The following PTPRD variants were observed in gnomAD, a reference collection of about 807,000 sequenced individuals.
The protein encoded by PTPRD is protein tyrosine phosphatase receptor type D.
Under a neutral mutation model 214.5 loss-of-function variants are expected in PTPRD, and 34 were observed. The ratio of observed to expected loss-of-function variants is 0.16; its 90% CI spans 0.12 to 0.21. PTPRD has a LOEUF of 0.21. Among genes scored for constraint, PTPRD ranks in the 10% least tolerant of loss-of-function variants. The probability of loss-of-function intolerance (pLI) is 1.00; values close to 1 mark genes in which losing one functional copy is unlikely to be tolerated. For synonymous variants in PTPRD, 1,128 were observed against 845.7 expected, an observed-to-expected ratio of 1.33 and a Z score of -5.79; for missense variants, 2,545 against 2,398.7, an observed-to-expected ratio of 1.06 and a Z score of -1.27.
chr9:9,335,596 G>A (rs1174905378), intron 9 of PTPRD, among the ~76,000 whole-genome samples: 1 of 151,998 alleles, frequency 6.6e-6, no homozygotes, highest in Admixed American at 6.6e-5. Flanking sequence ...AAGGACTTAT[G>A]AATTTAACAG....
intron 8 of PTPRD, among the ~76,000 whole-genome samples, chr9:9,432,088 T>TAACAAC (rs1404227517): frequency 1.5e-5 from 2 of 136,194 alleles, no homozygotes; most frequent in African/African-American, 2.7e-5. Context: ...ATAATAATAA[T>TAACAAC]AAAAGAAACA....
At chr9:8,516,924 G>C (rs2097791363) in intron 21 of PTPRD, among the ~76,000 whole-genome samples, 1 of 147,094 alleles carries the variant, frequency 6.8e-6, no homozygotes, top group African/African-American at 2.5e-5. Flanking sequence ...TGATTCTCCT[G>C]CCTCAGCCTC....
intron 11 of PTPRD, among the ~76,000 whole-genome samples, chr9:8,781,878 C>T (rs1360297694): frequency 6.6e-6 from 1 of 152,152 alleles, no homozygotes; most frequent in African/African-American, 2.4e-5. Flanking sequence ...GTATGCCTAA[C>T]AGGCCAGCAA....
intron 14 of PTPRD, among the ~76,000 whole-genome samples, chr9:8,553,940 G>A (rs1277018402): frequency 6.6e-6 from 1 of 152,172 alleles, no homozygotes; most frequent in East Asian, 1.9e-4. Flanking sequence ...TGTAATCCTA[G>A]CACTTTGGGA....
rs199827261 is a variant in PTPRD, at chr9:8,796,211, G to GA, written c.-103-62266dup. ...TATAGATGAAGGGATAATTAGAGAT[G>GA]AACTGCCCCAATTCTTAATTGCCAA... On this transcript the variant is annotated intron_variant, in intron 11 of 45. Transcript: ENST00000381196. 3.6e-3 allele frequency among the ~76,000 whole-genome samples: 550 copies of GA among 152,258 alleles called. 2 individuals carry two copies. The highest frequency in any genetic ancestry group is 0.012 in the African/African-American group (490 of 41,558).
chr9:8,848,774 C>A lies in PTPRD; in HGVS notation c.-103-114828G>T, dbSNP rs944877091. On this transcript the variant is annotated intron_variant, in intron 11 of 45. Transcript: ENST00000381196. The stretch of plus-strand genomic sequence containing the variant: ...GGGATGCTTGACTTAAAATCTTGAC[C>A]CTATGTTCCATCTTTATTACTTTTA... Among the ~76,000 whole-genome samples the A allele has an allele frequency of 4.8e-5, 6 of 125,442 alleles. 1 individual carries two copies. Among genetic ancestry groups the A allele is most frequent in the African/African-American group, 1.7e-4 (6 of 34,286 alleles). The allele number at this position is 125,442 out of a possible 152,430, so 82.3% of individuals were successfully genotyped here. A position where few individuals can be genotyped will look rare whatever the true frequency, so the allele number is the denominator to read the frequency against.
At chr9:9,190,840 T>C (rs1226134988) in intron 9 of PTPRD, among the ~76,000 whole-genome samples, 1 of 152,126 alleles carries the variant, frequency 6.6e-6, no homozygotes, top group African/African-American at 2.4e-5. Flanking sequence ...TACTACTGTC[T>C]CATAACCCAG....
In PTPRD at chr9:8,943,726, C is replaced by A. The variant is rs114243223; in HGVS notation, c.-104+74971G>T. On this transcript the variant is annotated intron_variant, in intron 11 of 45. Transcript: ENST00000381196. ...ACATGCAGAAGAATGAAACTAGAAC[C>A]CTATCTCTTGCCATTAAAAAAATCA... Among the ~76,000 whole-genome samples, 834 of 150,260 alleles carry A rather than the reference C, an allele frequency of 5.6e-3. 5 individuals are homozygous for A. The highest frequency in any genetic ancestry group is 0.02 in the African/African-American group (809 of 40,950).
chr9:8,977,037 A>G (rs2099271810), intron 11 of PTPRD, among the ~76,000 whole-genome samples: 1 of 152,072 alleles, frequency 6.6e-6, no homozygotes, highest in Non-Finnish European at 1.5e-5. Context: ...CACTTCCCAA[A>G]CTTGCTTCTC....
chr9:9,487,973 G>T (rs763084531), intron 8 of PTPRD, among the ~76,000 whole-genome samples: 2 of 152,110 alleles, frequency 1.3e-5, no homozygotes, highest in African/African-American at 4.8e-5. Flanking sequence ...TAAATTCTGA[G>T]TATTTTTCCC....
At chr9:10,099,798 T>A (rs2154211942) in intron 3 of PTPRD, among the ~76,000 whole-genome samples, 1 of 151,696 alleles carries the variant, frequency 6.6e-6, no homozygotes, top group African/African-American at 2.4e-5. Context: ...AAATCCTGAT[T>A]GTTAAAAGAA....
intron 39 of PTPRD, among the ~76,000 whole-genome samples, chr9:8,357,155 C>T (rs1456382393): frequency 6.6e-6 from 1 of 152,198 alleles, no homozygotes; most frequent in Non-Finnish European, 1.5e-5. Context: ...TGGGATCACA[C>T]TGCAATGCCA....
chr9:8,547,125 C>T (rs908181036), intron 14 of PTPRD, among the ~76,000 whole-genome samples: 1 of 152,242 alleles, frequency 6.6e-6, no homozygotes, highest in Non-Finnish European at 1.5e-5. Context: ...ATTGTAGATA[C>T]AACCTTTTAA....
intron 9 of PTPRD, among the ~76,000 whole-genome samples, chr9:9,313,248 G>C (rs866201715): frequency 1.3e-5 from 2 of 152,068 alleles, no homozygotes; most frequent in Non-Finnish European, 2.9e-5. Context: ...TTTGAGAGGA[G>C]AGCAACAAGA....
intron 9 of PTPRD, among the ~76,000 whole-genome samples, chr9:9,266,245 C>T (rs1350536724): frequency 1.3e-5 from 2 of 151,012 alleles, no homozygotes; most frequent in African/African-American, 4.9e-5. Context: ...TATTAAAGTA[C>T]CTACATATAT....
chr9:9,795,722 T>C (rs2098997922), intron 5 of PTPRD, among the ~76,000 whole-genome samples: 1 of 152,160 alleles, frequency 6.6e-6, no homozygotes, highest in East Asian at 1.9e-4. Flanking sequence ...AAACTGCAAA[T>C]ACACCTGTGT....
intron 3 of PTPRD, among the ~76,000 whole-genome samples, chr9:10,320,386 G>A (rs1311485474): frequency 1.7e-4 from 26 of 151,974 alleles, no homozygotes; most frequent in Admixed American, 1.7e-3. Context: ...TATATGGATT[G>A]ATAATTTAGC....
At chr9:9,313,634 TATTAGGTATAGTA>T (rs1960568555) in intron 9 of PTPRD, among the ~76,000 whole-genome samples, 1 of 152,158 alleles carries the variant, frequency 6.6e-6, no homozygotes, top group Non-Finnish European at 1.5e-5. Context: ...GGTGGATGCC[TATTAGGTATAGTA>T]ATTAGGAAGA....
intron 12 of PTPRD, among the ~76,000 whole-genome samples, chr9:8,675,185 T>C (rs1426973710): frequency 1.3e-5 from 2 of 152,054 alleles, no homozygotes; most frequent in African/African-American, 4.8e-5. Flanking sequence ...CCACCCGGGT[T>C]TGAAATCTGG....
Sources: gnomAD v4.1 joint callset for allele counts (sites outside exome capture counted in the v4.1 genomes callset) on GRCh38, gnomAD v4.1.1 for gene constraint, MANE v1.5 for transcripts, NCBI Gene and HGNC (gene_info 2026-07-23, HGNC 2026-07-21) for gene names.